NSL1: variants seen among roughly 807,000 people sequenced by gnomAD.
NSL1 encodes kinetochore-associated protein NSL1 homolog.
Under a neutral mutation model 25.4 loss-of-function variants are expected in NSL1, and 11 were observed. The observed-to-expected ratio is 0.43, with a 90% CI of 0.27 to 0.72. The LOEUF (loss-of-function observed/expected upper bound fraction) is 0.72, where lower values mean the gene tolerates loss of function less well. Ranked by LOEUF, NSL1 falls within the 30% of genes least tolerant of loss-of-function variation. NSL1 has a pLI of 0.19. For synonymous variants in NSL1, 118 were observed against 120.6 expected (o/e 0.98, Z 0.14); for missense variants, 330 against 342.7 (o/e 0.96, Z 0.29).
chr1:212,780,794 A>T (rs538509207), intron 4 of NSL1, among the ~76,000 whole-genome samples: 10 of 152,318 alleles, frequency 6.6e-5, no homozygotes, highest in African/African-American at 2.4e-4. Flanking sequence ...ATTATACAAT[A>T]TATCCTTATA....
chr1:212,770,634 C>T (rs1660058459), intron 4 of NSL1, among the ~76,000 whole-genome samples: 3 of 152,300 alleles, frequency 2.0e-5, no homozygotes, highest in South Asian at 2.1e-4. Context: ...GAATTAACAT[C>T]AATTCTTTTC....
chr1:212,745,162 A>G (rs1402983044), intron 4 of NSL1, among the ~76,000 whole-genome samples: 1 of 17,182 alleles, frequency 5.8e-5, no homozygotes, highest in Non-Finnish European at 1.5e-4. Flanking sequence ...CAAACAAACT[A>G]TATATATATA....
intron 2 of NSL1, among the ~76,000 whole-genome samples, chr1:212,787,343 T>G (rs571953922): frequency 2.6e-5 from 4 of 152,200 alleles, no homozygotes; most frequent in Admixed American, 6.5e-5. Context: ...TCCCTGGGCC[T>G]CTTTTGTCAT....
At chr1:212,770,436 C>T (rs1660049392) in intron 4 of NSL1, among the ~76,000 whole-genome samples, 1 of 151,988 alleles carries the variant, frequency 6.6e-6, no homozygotes, top group Non-Finnish European at 1.5e-5. Context: ...GAATAAATTC[C>T]TGGACATATA....
At chr1:212,762,535 C>T (rs904626464) in intron 4 of NSL1, among the ~76,000 whole-genome samples, 2 of 151,794 alleles carry the variant, frequency 1.3e-5, no homozygotes, top group African/African-American at 4.8e-5. Flanking sequence ...TTCTTTTTTC[C>T]AAGAACCACC....
At chr1:212,773,680 C>CAAAAAT (rs1660225985) in intron 4 of NSL1, among the ~76,000 whole-genome samples, 2 of 152,120 alleles carry the variant, frequency 1.3e-5, no homozygotes, top group Non-Finnish European at 2.9e-5. Flanking sequence ...ACCATTCCTG[C>CAAAAAT]CACTGGGTAT....
chr1:212,762,323 A>AAAG (rs1558051438), intron 4 of NSL1, among the ~76,000 whole-genome samples: 2 of 151,516 alleles, frequency 1.3e-5, no homozygotes, highest in Non-Finnish European at 2.9e-5. Context: ...AAAAAAAAAA[A>AAAG]AAAGAAAAGA....
intron 4 of NSL1, 125 bp downstream of exon 4, chr1:212,782,247 C>A: frequency 2.7e-6 from 2 of 740,858 alleles, no homozygotes; most frequent in Admixed American, 2.0e-5. Flanking sequence ...ACATGAATGA[C>A]TGGTAGGAAG....
At chr1:212,739,340 T>A (rs1658388436) in intron 5 of NSL1, among the ~76,000 whole-genome samples, 194 bp downstream of exon 5, 1 of 152,230 alleles carries the variant, frequency 6.6e-6, no homozygotes, top group Non-Finnish European at 1.5e-5. Context: ...GTATATTACC[T>A]GGCACATAGT....
At chr1:212,774,599 T>A (rs1660270527) in intron 4 of NSL1, among the ~76,000 whole-genome samples, 1 of 152,232 alleles carries the variant, frequency 6.6e-6, no homozygotes, top group Non-Finnish European at 1.5e-5. Flanking sequence ...TCAACATTGT[T>A]AGCCATTACA....
At chr1:212,765,703 G>A (rs1659771245) in intron 4 of NSL1, among the ~76,000 whole-genome samples, 1 of 152,090 alleles carries the variant, frequency 6.6e-6, no homozygotes, top group South Asian at 2.1e-4. Flanking sequence ...CTACTCAGAA[G>A]GCTGAGGCAG....
Position 212,769,086 on chromosome 1 carries a change from A to AG in NSL1, c.499+13285_499+13286insC, listed in dbSNP as rs546183035. 4.8e-3 allele frequency among the ~76,000 whole-genome samples: 736 copies of AG among 152,238 alleles called. 4 individuals are homozygous for AG. Among genetic ancestry groups the AG allele is most frequent in the African/African-American group, 0.016 (651 of 41,540 alleles). ...AATAAAATGGAGGAGGAATAAAAAA[A>AG]AAAAAATGAAGAAAGCCTAACTGAC... On this transcript the variant is annotated intron_variant, in intron 4 of 5. Coordinates refer to ENST00000366977, the MANE Select transcript of NSL1 (RefSeq NM_015471.4).
At chr1:212,790,935 TA>T (rs199850336) in intron 1 of NSL1, among the ~76,000 whole-genome samples, 207 of 145,238 alleles carry the variant, frequency 1.4e-3, no homozygotes, top group African/African-American at 5.5e-3. Context: ...AAAAAAAAAA[TA>T]AAATAAAATA....
rs529386849 is a variant in NSL1, at chr1:212,760,953, C to T, written c.500-21352G>A. ...TCATACCCTCTAGTACCAACCATAG[C>T]GTAAGTCACTAAGGAACTCACAAAC... On this transcript the variant is annotated intron_variant, in intron 4 of 5. Transcript: ENST00000366977. The surrounding 1 kb of genome is among the most constrained non-coding windows in gnomAD (Gnocchi z 4.3). Among the ~76,000 whole-genome samples the T allele has an allele frequency of 2.0e-5, 3 of 152,212 alleles. No homozygotes were observed. The highest frequency in any genetic ancestry group is 4.4e-5 in the Non-Finnish European group (3 of 68,042).
intron 4 of NSL1, among the ~76,000 whole-genome samples, chr1:212,773,124 T>A (rs1660199972): frequency 1.3e-5 from 2 of 152,044 alleles, no homozygotes; most frequent in Admixed American, 6.6e-5. Context: ...CTCTAGGACA[T>A]CCAGGCAAAG....
At chr1:212,783,491 A>G (rs1326515611) in intron 3 of NSL1, among the ~76,000 whole-genome samples, 1 of 152,230 alleles carries the variant, frequency 6.6e-6, no homozygotes, top group Non-Finnish European at 1.5e-5. Flanking sequence ...TTTAGATACA[A>G]TATTAAGCCG....
At chr1:212,787,860 T>A (rs1000797845) in intron 1 of NSL1, among the ~76,000 whole-genome samples, 1 of 152,072 alleles carries the variant, frequency 6.6e-6, no homozygotes, top group African/African-American at 2.4e-5. Context: ...AAAATCTGAT[T>A]TAAAATTTTG....
In NSL1 at chr1:212,730,237, CAAAAAAAAA is replaced by C. The variant is rs532313864; in HGVS notation, c.*8162_*8170del. The C allele has an allele frequency of 2.1e-4, 128 of 603,932 alleles. No individual in the cohort carries two copies. In the Admixed American group the frequency reaches 3.3e-3, roughly 15 times the overall value. The allele number at this position is 603,932 out of a possible 1,614,324, so 37.4% of individuals were successfully genotyped here. A position where few individuals can be genotyped will look rare whatever the true frequency, so the allele number is the denominator to read the frequency against. ...TACACTCCAGCCTGGGTGACAGTCT[CAAAAAAAAA>C]AAAAAAAAAAAAAAAAAAAGAAATG... On this transcript the variant is annotated 3_prime_UTR_variant, in exon 6 of 6. Coordinates refer to ENST00000366977, the MANE Select transcript of NSL1 (RefSeq NM_015471.4).
chr1:212,771,354 A>G (rs532097132), intron 4 of NSL1, among the ~76,000 whole-genome samples: 1 of 152,216 alleles, frequency 6.6e-6, no homozygotes, highest in Admixed American at 6.5e-5. Flanking sequence ...AAAAGAATGT[A>G]CCTCAACATA....
Sources: gnomAD v4.1 joint callset for allele counts (sites outside exome capture counted in the v4.1 genomes callset) on GRCh38, gnomAD v4.1.1 for gene constraint, Gnocchi (gnomAD v3.1) non-coding constraint, MANE v1.5 for transcripts, NCBI Gene and HGNC (gene_info 2026-07-23, HGNC 2026-07-21) for gene names.